CLEC4F: variants seen among roughly 807,000 people sequenced by gnomAD.
CLEC4F encodes the protein C-type (calcium dependent, carbohydrate-recognition domain) lectin, superfamily member 13.
Under a neutral mutation model 53.4 loss-of-function variants are expected in CLEC4F, and 45 were observed. The ratio of observed to expected loss-of-function variants is 0.84; its 90% CI spans 0.66 to 1.08. The LOEUF is 1.08. CLEC4F is among the 50% of genes least tolerant of loss of function. The pLI is 0.00. For synonymous variants in CLEC4F, 245 were observed against 257.5 expected (o/e 0.95, Z 0.46); for missense variants, 753 against 698.2 (o/e 1.08, Z -0.88).
chr2:70,817,954 C>T (rs1371000950), intron 3 of CLEC4F, among the ~76,000 whole-genome samples: 1 of 152,248 alleles, frequency 6.6e-6, no homozygotes, highest in Admixed American at 6.5e-5. Flanking sequence ...ACCAACCTCA[C>T]ATGCATCTAC....
upstream of CLEC4F, among the ~76,000 whole-genome samples, chr2:70,821,540 T>G (rs1677221281): frequency 6.6e-6 from 1 of 152,202 alleles, no homozygotes; most frequent in Non-Finnish European, 1.5e-5. Flanking sequence ...GAGGGTGTCA[T>G]GCCCTGACTC....
In CLEC4F at chr2:70,816,571, C is replaced by A. The variant is rs1419393154; in HGVS notation, c.810G>T (p.Gln270His). 3 of 1,613,976 alleles carry A rather than the reference C, an allele frequency of 1.9e-6. No homozygotes were observed. Among genetic ancestry groups the A allele is most frequent in the Non-Finnish European group, 2.5e-6 (3 of 1,180,056 alleles). The change falls in exon 4 of 7, where the codon CAG becomes CAT. Residue 270 changes from glutamine to histidine, a missense_variant. Transcript: ENST00000272367. Reference sequence around the variant, plus strand: ...CCAAACTATTTCTTAAAACCTGGTTCTGGGTCCTCAAGTCATTGACACTAT... The same window carrying A: ...CCAAACTATTTCTTAAAACCTGGTTATGGGTCCTCAAGTCATTGACACTAT... ...HLDSVNDLRTQNQVLRNSLEG... is the reference protein window; with the variant it reads ...HLDSVNDLRTHNQVLRNSLEG...
chr2:70,809,674 A>G (rs1676438673), intron 6 of CLEC4F, 65 bp downstream of exon 6: 7 of 1,217,358 alleles, frequency 5.8e-6, no homozygotes, highest in Non-Finnish European at 8.5e-6. Flanking sequence ...GAAGGGACAC[A>G]CAGTGTGTAG....
chr2:70,812,748 G>C, intron 4 of CLEC4F, 150 bp from the exon 5 acceptor site: 1 of 788,544 alleles, frequency 1.3e-6, no homozygotes, highest in Non-Finnish European at 2.0e-6. Context: ...AGGCCTGGGG[G>C]GCTGCACTGC....
At chr2:70,824,971 A>G (rs1395356336), upstream of CLEC4F, among the ~76,000 whole-genome samples, 2 of 152,188 alleles carry the variant, frequency 1.3e-5, no homozygotes, top group African/African-American at 4.8e-5. Context: ...GTACAGGAAA[A>G]GGGAGAAAAG....
At chr2:70,811,280 A>G (rs1553394172) in intron 5 of CLEC4F, 25 of 1,027,904 alleles carry the variant, frequency 2.4e-5, no homozygotes, top group South Asian at 2.3e-4. Context: ...ATACACCTTC[A>G]TCTTGGCCTT....
chr2:70,820,494 T>G lies in CLEC4F; in HGVS notation c.30A>C (p.Thr10=), dbSNP rs782291207. 6 of 1,591,232 alleles carry G rather than the reference T, an allele frequency of 3.8e-6. No individual in the cohort carries two copies. In the South Asian group the frequency reaches 5.7e-5, roughly 15 times the overall value. ...GGTGCAGGGAGACACACTGGTTATCTGTGCAGAAGCGGACTGCCTCACCGT... is the reference window on the plus strand; with the variant it reads ...GGTGCAGGGAGACACACTGGTTATCGGTGCAGAAGCGGACTGCCTCACCGT... The part of the protein sequence containing the change: MDGEAVRFC[T]DNQCVSLHPQ... Residue 10 remains threonine, a synonymous_variant, in exon 1 of 7, where the codon ACA becomes ACC. Transcript: ENST00000272367.
At chr2:70,817,942 C>T (rs544956969) in intron 3 of CLEC4F, among the ~76,000 whole-genome samples, 13 of 152,192 alleles carry the variant, frequency 8.5e-5, no homozygotes, top group Non-Finnish European at 1.2e-4. Context: ...AAGGTCTTTC[C>T]CACCAACCTC....
chr2:70,814,326 C>T (rs1324417000), intron 4 of CLEC4F, among the ~76,000 whole-genome samples: 1 of 152,114 alleles, frequency 6.6e-6, no homozygotes, highest in African/African-American at 2.4e-5. Context: ...GAAGAAGGTA[C>T]TCCTAATGAG....
rs1180448725 is a variant in CLEC4F at position 70,816,906 on chromosome 2, C to T, written c.475G>A (p.Ala159Thr). ...IQMVKGVLKD[A>T]TTLSLQTQML... is the part of the protein sequence containing the mutation. ...TGTGTCTGCAAACTCAATGTAGTGG[C>T]ATCCTTTAGAACTCCTTTTACCATC... Residue 159 changes from alanine (A) to threonine (T), a missense_variant, in exon 4 of 7, where the codon GCC becomes ACC. Physicochemically the swap from Ala to Thr is moderately conservative, Grantham distance 58 (BLOSUM62 0). Coordinates refer to ENST00000272367, the MANE Select transcript of CLEC4F (RefSeq NM_173535.3). 3 of 1,614,066 alleles carry T rather than the reference C, an allele frequency of 1.9e-6. No individual in the cohort carries two copies. The highest frequency in any genetic ancestry group is 3.3e-5 in the Admixed American group (2 of 60,006).
chr2:70,809,002 T>C lies in CLEC4F; in HGVS notation c.*269A>G. ...GGTGTCACAGGTCATGTCATTCCAC[T>C]TCTGCTGAATTTGGACACAGTCTTC... On this transcript the variant is annotated 3_prime_UTR_variant, in exon 7 of 7. Transcript: ENST00000272367. The C allele has an allele frequency of 7.4e-7, 1 of 1,348,380 alleles. No homozygotes were observed. The highest frequency in any genetic ancestry group is 1.0e-6 in the Non-Finnish European group (1 of 977,794). The allele number at this position is 1,348,380 out of a possible 1,614,324, so 83.5% of individuals were successfully genotyped here.
chr2:70,809,000 A>C lies in CLEC4F; in HGVS notation c.*271T>G. The C allele has an allele frequency of 7.5e-7, 1 of 1,331,590 alleles. No homozygotes were observed. The highest frequency in any genetic ancestry group is 1.0e-6 in the Non-Finnish European group (1 of 962,774). The allele number at this position is 1,331,590 out of a possible 1,614,324, so 82.5% of individuals were successfully genotyped here. A position where few individuals can be genotyped will look rare whatever the true frequency, so the allele number is the denominator to read the frequency against. ...GGGGTGTCACAGGTCATGTCATTCC[A>C]CTTCTGCTGAATTTGGACACAGTCT... On this transcript the variant is annotated 3_prime_UTR_variant, in exon 7 of 7. Transcript: ENST00000272367.
At position 70,808,703 on chromosome 2, in the gene CLEC4F, C is replaced by G. The variant is rs1023256188; in HGVS notation, c.*568G>C. The G allele has an allele frequency of 8.4e-6, 2 of 237,956 alleles. No homozygotes were observed. Among genetic ancestry groups the G allele is most frequent in the Non-Finnish European group, 1.7e-5 (2 of 120,226 alleles). 14.7% of individuals were successfully genotyped at this position (237,956 alleles called of 1,614,324 possible). On this transcript the variant is annotated 3_prime_UTR_variant, in exon 7 of 7. Transcript: ENST00000272367. ...CTGTCTGACAGGCCTGTGCTGGGTG[C>G]TGAGGCTACAGGGGCACAGCAAGGC...
Position 70,809,398 on chromosome 2 carries a change from G to T in CLEC4F, c.1659-16C>A. 3 of 1,585,558 alleles carry T rather than the reference G, an allele frequency of 1.9e-6. No homozygotes were observed. The highest frequency in any genetic ancestry group is 1.7e-6 in the Non-Finnish European group (2 of 1,166,614). On this transcript the variant is annotated splice_polypyrimidine_tract_variant and intron_variant, in intron 6 of 6. Coordinates refer to ENST00000272367, the MANE Select transcript of CLEC4F (RefSeq NM_173535.3). ...GGAACCAGGCCTGAGTAGGGCAGGG[G>T]GAAAAAAACAGAAAGACCCACTCAC...
chr2:70,811,251 T>C, intron 5 of CLEC4F: 1 of 941,466 alleles, frequency 1.1e-6, no homozygotes, highest in Non-Finnish European at 1.7e-6. Flanking sequence ...GGCACAATTG[T>C]CTTAAATGTC....
chr2:70,823,687 C>T (rs530557072), upstream of CLEC4F, among the ~76,000 whole-genome samples: 1 of 152,226 alleles, frequency 6.6e-6, no homozygotes, highest in African/African-American at 2.4e-5. Flanking sequence ...GCTATGTCTT[C>T]ACTGAGAGGC....
chr2:70,809,826 T>C lies in CLEC4F; in HGVS notation c.1571A>G (p.Tyr524Cys), dbSNP rs1553393766. 6.2e-7 allele frequency: 1 copy of C among 1,614,002 alleles called. No individual in the cohort carries two copies. Among genetic ancestry groups the C allele is most frequent in the Admixed American group, 1.7e-5 (1 of 60,026 alleles). Residue 524 changes from tyrosine to cysteine, a missense_variant, in exon 6 of 7, where the codon TAC becomes TGC. Tyr to Cys is a radical substitution (Grantham distance 194). Transcript: ENST00000272367. ...CCTGTCAGTGAGACCGATCCAGTAG[T>C]ACACTTTACTTGTGAACTCTACCAG... ...AFLVEFTSKV[Y>C]YWIGLTDRGT...
chr2:70,820,454 T>C lies in CLEC4F; in HGVS notation c.61+9A>G. On this transcript the variant is annotated intron_variant, in intron 1 of 6. Coordinates refer to ENST00000272367, the MANE Select transcript of CLEC4F (RefSeq NM_173535.3). The stretch of plus-strand genomic sequence containing the variant: ...CACTGGGCAAGAGCTGGGGCCCCAG[T>C]TTTCTCACCTTGGGGGTGCAGGGAG... The C allele has an allele frequency of 6.3e-7, 1 of 1,578,344 alleles. No homozygotes were observed. The highest frequency in any genetic ancestry group is 8.6e-7 in the Non-Finnish European group (1 of 1,160,004).
intron 5 of CLEC4F, among the ~76,000 whole-genome samples, chr2:70,811,965 C>A (rs910827079): frequency 3.3e-5 from 5 of 152,176 alleles, no homozygotes; most frequent in African/African-American, 9.7e-5. Flanking sequence ...GTAGTCACAG[C>A]TACTTGGGGA....
Sources: allele counts gnomAD v4.1 joint callset (sites outside exome capture counted in the v4.1 genomes callset), GRCh38; gene constraint gnomAD v4.1.1; transcripts MANE v1.5; gene names NCBI Gene and HGNC (gene_info 2026-07-23, HGNC 2026-07-21).